The following STRN variants were observed in gnomAD, a reference collection of about 807,000 sequenced individuals.
The protein encoded by STRN is protein phosphatase 2 regulatory subunit B'''alpha.
Under a neutral mutation model 96.3 loss-of-function variants are expected in STRN, and 53 were observed. The ratio of observed to expected loss-of-function variants is 0.55; its 90% CI spans 0.44 to 0.69. The LOEUF (loss-of-function observed/expected upper bound fraction) is 0.69, where lower values mean the gene tolerates loss of function less well. STRN is among the 30% of genes least tolerant of loss of function. STRN has a pLI of 0.00. For synonymous variants in STRN, 428 were observed against 355.9 expected (o/e 1.20, Z -2.28); for missense variants, 987 against 963.9 (o/e 1.02, Z -0.32).
chr2:36,906,013 G>A (rs1669809571), intron 3 of STRN, among the ~76,000 whole-genome samples: 1 of 151,958 alleles, frequency 6.6e-6, no homozygotes. Context: ...AATAACTAAG[G>A]GTATAACTGG....
At chr2:36,951,367 G>C (rs545084198) in intron 1 of STRN, among the ~76,000 whole-genome samples, 1 of 152,186 alleles carries the variant, frequency 6.6e-6, no homozygotes, top group East Asian at 1.9e-4. Flanking sequence ...GTATGGCCCA[G>C]GCAATGCTTT....
intron 7 of STRN, among the ~76,000 whole-genome samples, chr2:36,893,452 AG>A (rs1669454998): frequency 6.6e-6 from 1 of 152,218 alleles, no homozygotes; most frequent in Non-Finnish European, 1.5e-5. Context: ...CATTTTGAGA[AG>A]AAAAATTCTA....
intron 1 of STRN, among the ~76,000 whole-genome samples, chr2:36,927,615 G>A (rs1406011124): frequency 4.0e-5 from 6 of 151,572 alleles, no homozygotes; most frequent in Non-Finnish European, 5.9e-5. Flanking sequence ...GATAGCTTGA[G>A]GCTGGAGTTT....
At position 36,849,387 on chromosome 2, in the gene STRN, C is replaced by A; in HGVS notation, c.*69G>T. ...GGCAGGACGAGATGATTCTTGCCCT[C>A]GTCTTCTGTATCTCTTGTGTGCAGT... On this transcript the variant is annotated 3_prime_UTR_variant, in exon 18 of 18. Coordinates refer to ENST00000263918, the MANE Select transcript of STRN (RefSeq NM_003162.4). 6.5e-7 allele frequency: 1 copy of A among 1,548,236 alleles called. No individual in the cohort carries two copies. The highest frequency in any genetic ancestry group is 1.2e-5 in the South Asian group (1 of 85,208).
chr2:36,869,564 G>T lies in STRN; in HGVS notation c.1489C>A (p.Pro497Thr). Residue 497 changes from proline to threonine, a missense_variant, in exon 11 of 18, where the codon CCA becomes ACA. Physicochemically the swap from Pro to Thr is conservative, Grantham distance 38. Coordinates refer to ENST00000263918, the MANE Select transcript of STRN (RefSeq NM_003162.4). Reference sequence around the variant, plus strand: ...GTAGAATATTCTCACTTTTTGGCTGGGGCTGTTTTCTGTAAATTCCACATT... The same window carrying T: ...GTAGAATATTCTCACTTTTTGGCTGTGGCTGTTTTCTGTAAATTCCACATT... Reference protein sequence around the residue: ...LKMWNLQKTAPAKKSTSLDVE... With the variant: ...LKMWNLQKTATAKKSTSLDVE... The T allele has an allele frequency of 6.4e-7, 1 of 1,553,854 alleles. No individual in the cohort carries two copies. Among genetic ancestry groups the T allele is most frequent in the South Asian group, 1.2e-5 (1 of 80,984 alleles).
intron 6 of STRN, among the ~76,000 whole-genome samples, chr2:36,897,939 C>T (rs1669588755): frequency 6.6e-6 from 1 of 152,084 alleles, no homozygotes; most frequent in Non-Finnish European, 1.5e-5. Flanking sequence ...GATCCTCCCA[C>T]TTCAGCCTCC....
At chr2:36,883,854 G>T in intron 9 of STRN, 78 bp downstream of exon 9, 1 of 1,258,736 alleles carries the variant, frequency 7.9e-7, no homozygotes, top group South Asian at 3.4e-5. Flanking sequence ...TCTCTAATAG[G>T]AGAGGCCTTT....
At chr2:36,908,563 G>GGT (rs1414531330) in intron 3 of STRN, among the ~76,000 whole-genome samples, 1 of 151,942 alleles carries the variant, frequency 6.6e-6, no homozygotes, top group East Asian at 1.9e-4. Context: ...CACTAAAAAG[G>GGT]GTGACTTTTA....
At chr2:36,860,453 C>G (rs1340344631) in intron 13 of STRN, among the ~76,000 whole-genome samples, 2 of 152,130 alleles carry the variant, frequency 1.3e-5, no homozygotes, top group Non-Finnish European at 2.9e-5. Flanking sequence ...TATCCTTACT[C>G]TGGTTTGGTG....
intron 13 of STRN, among the ~76,000 whole-genome samples, chr2:36,858,449 T>C (rs1385339604): frequency 6.6e-6 from 1 of 152,228 alleles, no homozygotes; most frequent in Non-Finnish European, 1.5e-5. Flanking sequence ...TACTTCCTTC[T>C]GTTCACTTAT....
Position 36,848,562 on chromosome 2 carries a change from T to C in STRN, c.*894A>G, listed in dbSNP as rs1668138605. ...CAGTCACTGAAAAGTAAGATTTCAT[T>C]GGTATGAAATAATCACTCTGGTACT... On this transcript the variant is annotated 3_prime_UTR_variant, in exon 18 of 18. Transcript: ENST00000263918. 1 of 152,244 alleles carries C rather than the reference T, an allele frequency of 6.6e-6. No homozygotes were observed. Among genetic ancestry groups the C allele is most frequent in the Admixed American group, 6.5e-5 (1 of 15,286 alleles). The allele number at this position is 152,244 out of a possible 1,614,324, so 9.4% of individuals were successfully genotyped here.
chr2:36,913,759 A>C (rs898435909), intron 3 of STRN, among the ~76,000 whole-genome samples: 3 of 152,232 alleles, frequency 2.0e-5, no homozygotes, highest in Non-Finnish European at 4.4e-5. Context: ...GGTACTAACT[A>C]TTACATACTG....
intron 10 of STRN, among the ~76,000 whole-genome samples, chr2:36,875,372 G>A (rs1042138745): frequency 6.6e-6 from 1 of 151,934 alleles, no homozygotes; most frequent in African/African-American, 2.4e-5. Flanking sequence ...CAGGCATGGT[G>A]GTGCACACCT....
intron 1 of STRN, 33 bp downstream of exon 1, chr2:36,966,197 G>C: frequency 6.6e-7 from 1 of 1,513,086 alleles, no homozygotes. Flanking sequence ...CAAAGAGGCG[G>C]GATGAAGACG....
At chr2:36,878,748 TC>T (rs1330813700) in intron 9 of STRN, among the ~76,000 whole-genome samples, 1 of 152,082 alleles carries the variant, frequency 6.6e-6, no homozygotes, top group East Asian at 1.9e-4. Flanking sequence ...ATTTTTTATT[TC>T]TTTTTTTTTA....
chr2:36,861,262 T>A lies in STRN; in HGVS notation c.1548-9A>T, dbSNP rs758237069. ...CACAAAGCACTGGACCTCTGGGAGA[T>A]TAAAAAAAATAAATCAACTGCTATT... On this transcript the variant is annotated splice_polypyrimidine_tract_variant and intron_variant, in intron 12 of 17. Transcript: ENST00000263918. The A allele has an allele frequency of 1.2e-6, 2 of 1,605,196 alleles. No individual in the cohort carries two copies. The highest frequency in any genetic ancestry group is 2.3e-5 in the South Asian group (2 of 88,468).
Position 36,841,304 on chromosome 2 carries a change from C to G in STRN, c.*8152G>C, listed in dbSNP as rs1667945637. The G allele has an allele frequency of 2.0e-5, 3 of 151,752 alleles. No individual in the cohort carries two copies. In the South Asian group the frequency reaches 6.2e-4, roughly 31 times the overall value. 9.4% of individuals were successfully genotyped at this position (151,752 alleles called of 1,614,324 possible). ...TGATTCCTTCTGACCCTGAGATATA[C>G]AAGGAAACTGAACAAATACCAGGCA... is the stretch of plus-strand genomic sequence containing the variant. On this transcript the variant is annotated 3_prime_UTR_variant, in exon 18 of 18. Transcript: ENST00000263918.
intron 16 of STRN, 112 bp downstream of exon 16, chr2:36,850,888 C>A: frequency 1.5e-6 from 1 of 684,346 alleles, no homozygotes; most frequent in Non-Finnish European, 2.4e-6. Flanking sequence ...ATTTGGGGTT[C>A]AGTGCCTATT....
chr2:36,915,804 T>C (rs1670082083), intron 3 of STRN, among the ~76,000 whole-genome samples: 1 of 152,202 alleles, frequency 6.6e-6, no homozygotes, highest in Non-Finnish European at 1.5e-5. Flanking sequence ...GACAAGGTTA[T>C]GCTGGTGCAT....
Sources: gnomAD v4.1 joint callset for allele counts (sites outside exome capture counted in the v4.1 genomes callset) on GRCh38, gnomAD v4.1.1 for gene constraint, MANE v1.5 for transcripts, NCBI Gene and HGNC (gene_info 2026-07-23, HGNC 2026-07-21) for gene names.